The following FANCC variants were observed in gnomAD, a reference collection of about 807,000 sequenced individuals.
The protein encoded by FANCC is FA complementation group C.
A neutral mutation model predicts 71.3 loss-of-function variants in FANCC; 55 were observed. That is an observed-to-expected ratio of 0.77 (90% confidence interval 0.62 to 0.97). FANCC has a LOEUF of 0.97. Among genes scored for constraint, FANCC ranks in the 50% least tolerant of loss-of-function variants. FANCC has a pLI of 0.00. For synonymous variants in FANCC, 275 were observed against 244.9 expected, an observed-to-expected ratio of 1.12 and a Z score of -1.15; for missense variants, 678 against 670.9, an observed-to-expected ratio of 1.01 and a Z score of -0.12.
intron 7 of FANCC, among the ~76,000 whole-genome samples, chr9:95,138,561 C>T (rs1828079862): frequency 6.6e-6 from 1 of 152,240 alleles, no homozygotes; most frequent in Non-Finnish European, 1.5e-5. Flanking sequence ...CTGGCTTTGA[C>T]CAGCTTTCCT....
intron 10 of FANCC, among the ~76,000 whole-genome samples, chr9:95,122,195 G>A (rs1373897212): frequency 6.6e-6 from 1 of 152,118 alleles, no homozygotes; most frequent in South Asian, 2.1e-4. Flanking sequence ...GAGGGAGAGA[G>A]GCAGGGAGGA....
chr9:95,220,053 C>T (rs56160946), intron 4 of FANCC, among the ~76,000 whole-genome samples: 15 of 152,272 alleles, frequency 9.9e-5, no homozygotes, highest in African/African-American at 3.6e-4. Flanking sequence ...AAAAAGTGGG[C>T]AAAGGATATG....
rs864622764 is a variant in FANCC at position 95,172,094 on chromosome 9, A to C, written c.399T>G (p.Leu133=). Residue 133 remains leucine (L), a synonymous_variant, in exon 5 of 15, where the codon CTT becomes CTG. Transcript: ENST00000289081. ...GTGCATACCCAAGACCTTGAGTGAA[A>C]AGAGCAACTTCTTTATCAAATCTGA... The part of the protein sequence containing the change: ...SALRFDKEVA[L]FTQGLGYAPI... 4.3e-6 allele frequency: 7 copies of C among 1,613,548 alleles called. No homozygotes were observed. The highest frequency in any genetic ancestry group is 5.9e-6 in the Non-Finnish European group (7 of 1,179,548).
At chr9:95,121,033 C>T (rs1291951825) in intron 10 of FANCC, among the ~76,000 whole-genome samples, 1 of 152,178 alleles carries the variant, frequency 6.6e-6, no homozygotes, top group Non-Finnish European at 1.5e-5. Context: ...TGTGATGTCC[C>T]TTTAAAGGGC....
intron 13 of FANCC, chr9:95,107,535 CAG>C (rs2071547578): frequency 3.6e-6 from 2 of 558,502 alleles, no homozygotes; most frequent in Admixed American, 6.1e-5. Context: ...TAAAAGGAAA[CAG>C]AGAAAAGTTC....
intron 6 of FANCC, among the ~76,000 whole-genome samples, chr9:95,159,084 C>G (rs1382213797): frequency 2.0e-5 from 3 of 151,724 alleles, no homozygotes; most frequent in African/African-American, 7.3e-5. Flanking sequence ...GCACAACGTG[C>G]AGGTTTGTTA....
chr9:95,233,537 G>T (rs1270494336), intron 4 of FANCC, among the ~76,000 whole-genome samples: 2 of 152,168 alleles, frequency 1.3e-5, no homozygotes, highest in Non-Finnish European at 2.9e-5. Context: ...GTACAAATCT[G>T]TGCATAGGTT....
chr9:95,294,229 A>C, intron 1 of FANCC: 1 of 1,587,716 alleles, frequency 6.3e-7, no homozygotes, highest in Non-Finnish European at 8.6e-7. Flanking sequence ...CCCAGCCCAG[A>C]ACCCTGGAAT....
At chr9:95,283,973 G>A (rs1178909493) in intron 1 of FANCC, among the ~76,000 whole-genome samples, 1 of 152,226 alleles carries the variant, frequency 6.6e-6, no homozygotes. Flanking sequence ...GAAAAACCTA[G>A]TAGGGTTGCT....
At chr9:95,179,131 C>A (rs1253069702) in intron 4 of FANCC, among the ~76,000 whole-genome samples, 3 of 152,198 alleles carry the variant, frequency 2.0e-5, no homozygotes, top group African/African-American at 7.2e-5. Flanking sequence ...TAGCATATTG[C>A]ACATGTGTTT....
At chr9:95,195,221 A>AC in intron 4 of FANCC, among the ~76,000 whole-genome samples, 2 of 141,058 alleles carry the variant, frequency 1.4e-5, no homozygotes, top group African/African-American at 2.7e-5. Flanking sequence ...AAAAAAAAAA[A>AC]CCAACTATGC....
chr9:95,305,042 T>C lies in FANCC; in HGVS notation c.-79+12484A>G, dbSNP rs76627706. On this transcript the variant is annotated intron_variant, in intron 1 of 14. Coordinates refer to ENST00000289081, the MANE Select transcript of FANCC (RefSeq NM_000136.3). Reference sequence around the variant, plus strand: ...CTTTTGATAAATGCTGCCTCTCTAATAGAGCACTGAGGATCGCTTACAAAC... The same window carrying C: ...CTTTTGATAAATGCTGCCTCTCTAACAGAGCACTGAGGATCGCTTACAAAC... Among the ~76,000 whole-genome samples the C allele has an allele frequency of 3.3e-5, 5 of 152,310 alleles. No individual in the cohort carries two copies. The East Asian group carries it at 9.6e-4, about 29-fold the overall frequency.
intron 1 of FANCC, among the ~76,000 whole-genome samples, chr9:95,258,797 T>C (rs1831831915): frequency 6.6e-6 from 1 of 152,216 alleles, no homozygotes; most frequent in South Asian, 2.1e-4. Context: ...AACCCCACTG[T>C]CTCAGCCCAA....
intron 4 of FANCC, 118 bp from the exon 5 acceptor site, chr9:95,172,265 G>C (rs2135589922): frequency 1.6e-6 from 1 of 629,652 alleles, no homozygotes; most frequent in South Asian, 2.0e-5. Context: ...AAAAAAATCT[G>C]TTTGTCAAAG....
At chr9:95,201,762 A>T (rs1318844711) in intron 4 of FANCC, among the ~76,000 whole-genome samples, 1 of 152,218 alleles carries the variant, frequency 6.6e-6, no homozygotes, top group Non-Finnish European at 1.5e-5. Flanking sequence ...CTTTTTGCGT[A>T]AGAAACAAAC....
At chr9:95,189,080 A>C (rs1034475437) in intron 4 of FANCC, among the ~76,000 whole-genome samples, 1 of 152,228 alleles carries the variant, frequency 6.6e-6, no homozygotes, top group Non-Finnish European at 1.5e-5. Context: ...CTCTAACTTA[A>C]AAAAATGGAA....
chr9:95,284,555 A>C (rs1018586259), intron 1 of FANCC, among the ~76,000 whole-genome samples: 2 of 152,186 alleles, frequency 1.3e-5, no homozygotes, highest in Admixed American at 6.5e-5. Flanking sequence ...TAAATTTCTC[A>C]ACATCTTGGA....
At chr9:95,214,359 G>A (rs914879333) in intron 4 of FANCC, among the ~76,000 whole-genome samples, 1 of 152,134 alleles carries the variant, frequency 6.6e-6, no homozygotes, top group Non-Finnish European at 1.5e-5. Context: ...TTGAGCCCAG[G>A]AGTTTGAGAC....
intron 3 of FANCC, among the ~76,000 whole-genome samples, chr9:95,245,695 G>C (rs1391015730): frequency 3.3e-5 from 5 of 151,824 alleles, no homozygotes; most frequent in African/African-American, 1.2e-4. Flanking sequence ...TCAGGAGTTT[G>C]AGACCAGCCT....
Sources: allele counts gnomAD v4.1 joint callset (sites outside exome capture counted in the v4.1 genomes callset), GRCh38; gene constraint gnomAD v4.1.1; transcripts MANE v1.5; gene names NCBI Gene and HGNC (gene_info 2026-07-23, HGNC 2026-07-21).